The following CEP152 variants were observed in gnomAD, a reference collection of about 807,000 sequenced individuals.
CEP152 encodes the protein centrosomal protein of 152 kDa.
CEP152 carries 132 observed loss-of-function variants against 188.9 expected under a neutral mutation model. The ratio of observed to expected loss-of-function variants is 0.70; its 90% confidence interval spans 0.61 to 0.81. The LOEUF (loss-of-function observed/expected upper bound fraction) is 0.81. Among genes scored for constraint, CEP152 ranks in the 30% least tolerant of loss-of-function variants. The pLI is 0.00. For synonymous variants in CEP152, 649 were observed against 666.6 expected (o/e 0.97, Z 0.41); for missense variants, 1,914 against 1,969.8 (o/e 0.97, Z 0.54).
At position 48,797,186 on chromosome 15, in the gene CEP152, C is replaced by T. The variant is rs1897349147; in HGVS notation, c.540+115G>A. 6.6e-6 allele frequency: 8 copies of T among 1,212,164 alleles called. 1 individual carries two copies. Among genetic ancestry groups the T allele is most frequent in the South Asian group, 3.7e-5 (3 of 80,892 alleles). The allele number at this position is 1,212,164 out of a possible 1,614,324, so 75.1% of individuals were successfully genotyped here. A position where few individuals can be genotyped will look rare whatever the true frequency, so the allele number is the denominator to read the frequency against. On this transcript the variant is annotated intron_variant, in intron 5 of 26. Coordinates refer to ENST00000380950, the MANE Select transcript of CEP152 (RefSeq NM_001194998.2). ...CTGAATAAGTGCCCTCTCAGAACTTCGTGTGGTTAAATCATCTTACCATTG... is the reference window on the plus strand; with the variant it reads ...CTGAATAAGTGCCCTCTCAGAACTTTGTGTGGTTAAATCATCTTACCATTG...
intron 1 of CEP152, chr15:48,810,572 C>A (rs1898265858): frequency 6.6e-6 from 1 of 152,470 alleles, no homozygotes; most frequent in East Asian, 1.9e-4. Context: ...CAAAGCCGCA[C>A]GGGGCCCAGG....
chr15:48,739,133 A>C lies in CEP152; in HGVS notation c.4249T>G (p.Cys1417Gly). The C allele has an allele frequency of 6.2e-7, 1 of 1,614,194 alleles. No individual in the cohort carries two copies. Among genetic ancestry groups the C allele is most frequent in the Non-Finnish European group, 8.5e-7 (1 of 1,180,018 alleles). ...CEQAPKRRAA[C>G]NLQRLLENSE... ...TTCTCTAACAGCCTTTGTAAGTTAC[A>C]AGCTGCCCTCCTCTTGGGAGCTTGT... Residue 1417 changes from cysteine (C) to glycine (G), a missense_variant, in exon 27 of 27, where the codon TGT (cysteine) becomes GGT (glycine). Coordinates refer to ENST00000380950, the MANE Select transcript of CEP152 (RefSeq NM_001194998.2).
chr15:48,795,440 T>C lies in CEP152; in HGVS notation c.691+570A>G, dbSNP rs115804745. ...CTTCTATATAGTCAAAAATCTGAGA[T>C]TGAAAACTATGTTTCATTTTCCAAA... On this transcript the variant is annotated intron_variant, in intron 6 of 26. Coordinates refer to ENST00000380950, the MANE Select transcript of CEP152 (RefSeq NM_001194998.2). 4.8e-3 allele frequency among the ~76,000 whole-genome samples: 724 copies of C among 152,278 alleles called. 5 individuals carry two copies. Among genetic ancestry groups the C allele is most frequent in the African/African-American group, 0.017 (687 of 41,570 alleles).
chr15:48,748,843 T>C (rs892172386), intron 21 of CEP152, among the ~76,000 whole-genome samples: 1 of 152,152 alleles, frequency 6.6e-6, no homozygotes, highest in Admixed American at 6.5e-5. Context: ...CACTACTGGA[T>C]ACTACCATCT....
rs1341171169 is a variant in CEP152, at chr15:48,772,210, A to G, written c.1782+277T>C. Among the ~76,000 whole-genome samples the G allele has an allele frequency of 3.3e-5, 5 of 152,310 alleles. No individual in the cohort carries two copies. In the East Asian group the frequency reaches 9.6e-4, roughly 29 times the overall value. On this transcript the variant is annotated intron_variant, in intron 13 of 26. Transcript: ENST00000380950. ...AGGATTGCTTGAGCCCAGGAGTTTG[A>G]GACCAGCCTGGGCAACATTGTGGGA...
chr15:48,786,869 T>A (rs1896672987), intron 9 of CEP152, among the ~76,000 whole-genome samples: 3 of 152,004 alleles, frequency 2.0e-5, no homozygotes. Context: ...AGTAATGCAG[T>A]GGGCACAGGG....
At chr15:48,731,115 T>C (rs1262794270) in intron 2 of CEP152, among the ~76,000 whole-genome samples, 4 of 152,170 alleles carry the variant, frequency 2.6e-5, no homozygotes, top group African/African-American at 7.2e-5. Context: ...AGAAACAGAA[T>C]AGAAGGGGGC....
chr15:48,802,945 T>C (rs1435503202), intron 2 of CEP152, among the ~76,000 whole-genome samples: 1 of 152,228 alleles, frequency 6.6e-6, no homozygotes, highest in Non-Finnish European at 1.5e-5. Context: ...TGGAAAAACA[T>C]GCTGTATTAG....
At chr15:48,793,184 G>T in intron 7 of CEP152, 137 bp downstream of exon 7, 1 of 958,926 alleles carries the variant, frequency 1.0e-6, no homozygotes, top group Non-Finnish European at 1.6e-6. Flanking sequence ...CCTGGGTTTT[G>T]TTTTGCTATG....
In CEP152 at chr15:48,741,583, C is replaced by T. The variant is rs767567757; in HGVS notation, c.4093+18G>A. On this transcript the variant is annotated intron_variant, in intron 26 of 26. Coordinates refer to ENST00000380950, the MANE Select transcript of CEP152 (RefSeq NM_001194998.2). The stretch of plus-strand genomic sequence containing the variant: ...AAGAAAAGATAGAAAAACCATTTGG[C>T]GACTCACTTTGACATACCTGACTGT... The T allele has an allele frequency of 2.7e-5, 43 of 1,613,898 alleles. No homozygotes were observed. The South Asian group carries it at 3.3e-4, about 12-fold the overall frequency.
chr15:48,753,444 T>A (rs370051989), intron 20 of CEP152, among the ~76,000 whole-genome samples: 41 of 152,232 alleles, frequency 2.7e-4, no homozygotes, highest in East Asian at 1.2e-3. Flanking sequence ...ATACTATATA[T>A]GCCTGATTCT....
At chr15:48,750,970 A>G (rs1893833909) in intron 21 of CEP152, among the ~76,000 whole-genome samples, 1 of 152,196 alleles carries the variant, frequency 6.6e-6, no homozygotes, top group African/African-American at 2.4e-5. Flanking sequence ...GCTAGGCTTC[A>G]TAACTTACAG....
intron 12 of CEP152, among the ~76,000 whole-genome samples, chr15:48,779,097 T>C (rs1896099237): frequency 6.6e-6 from 1 of 152,230 alleles, no homozygotes; most frequent in Admixed American, 6.5e-5. Flanking sequence ...ATTTATCCAA[T>C]TCCCAGACCA....
rs1346857429 is a variant in CEP152, at chr15:48,787,182, T to C, written c.1173+1619A>G. On this transcript the variant is annotated intron_variant, in intron 9 of 26. Transcript: ENST00000380950. ...GCCTTCGTTTTTTTTTTTTTTTTTT[T>C]CTGGAAAAAGAGTCTCACTCTGTTA... Among the ~76,000 whole-genome samples, 580 of 134,264 alleles carry C rather than the reference T, an allele frequency of 4.3e-3. 7 individuals are homozygous for C. The highest frequency in any genetic ancestry group is 0.016 in the African/African-American group (552 of 35,162). 88.1% of individuals were successfully genotyped at this position (134,264 alleles called of 152,430 possible).
At chr15:48,772,742 A>T in intron 12 of CEP152, 51 bp from the exon 13 acceptor site, 1 of 1,500,888 alleles carries the variant, frequency 6.7e-7, no homozygotes, top group East Asian at 2.3e-5. Flanking sequence ...TAAATCAGAC[A>T]TGGTTATTCC....
rs1484986484 is a variant in CEP152, at chr15:48,752,385, G to C, written c.3430C>G (p.Gln1144Glu). The C allele has an allele frequency of 1.2e-6, 2 of 1,614,042 alleles. No individual in the cohort carries two copies. The highest frequency in any genetic ancestry group is 1.7e-6 in the Non-Finnish European group (2 of 1,180,028). Reference protein sequence around the residue: ...DPGPAAGHHAQPLALQATEAE... With the variant: ...DPGPAAGHHAEPLALQATEAE... ...TCTGTTGCTTGTAAGGCCAAGGGCTGAGCATGGTGTCCAGCAGCAGGTCCA... is the reference window on the plus strand; with the variant it reads ...TCTGTTGCTTGTAAGGCCAAGGGCTCAGCATGGTGTCCAGCAGCAGGTCCA... Residue 1144 changes from glutamine (Q) to glutamate (E), a missense_variant, in exon 21 of 27, where the codon CAG becomes GAG. Coordinates refer to ENST00000380950, the MANE Select transcript of CEP152 (RefSeq NM_001194998.2).
At position 48,788,323 on chromosome 15, in the gene CEP152, CTTCT is replaced by C. The variant is rs1413704847; in HGVS notation, c.1173+474_1173+477del. Among the ~76,000 whole-genome samples the C allele has an allele frequency of 6.0e-5, 8 of 132,970 alleles. No individual in the cohort carries two copies. The East Asian group carries it at 1.2e-3, about 19-fold the overall frequency. The allele number at this position is 132,970 out of a possible 152,430, so 87.2% of individuals were successfully genotyped here. ...TATTCTCAGATTAAAATATCACTGG[CTTCT>C]TTTTTTTTTTTTTTTTTTTTTGGGG... On this transcript the variant is annotated intron_variant, in intron 9 of 26. Coordinates refer to ENST00000380950, the MANE Select transcript of CEP152 (RefSeq NM_001194998.2).
intron 19 of CEP152, 88 bp downstream of exon 19, chr15:48,760,045 CTA>C (rs1278201382): frequency 6.5e-7 from 1 of 1,544,180 alleles, no homozygotes; most frequent in Admixed American, 1.7e-5. Flanking sequence ...TTCAACAATT[CTA>C]TGAGTAGGTA....
At position 48,752,382 on chromosome 15, in the gene CEP152, G is replaced by T. The variant is rs200055660; in HGVS notation, c.3433C>A (p.Pro1145Thr). ...GCTTCTGTTGCTTGTAAGGCCAAGG[G>T]CTGAGCATGGTGTCCAGCAGCAGGT... is the stretch of plus-strand genomic sequence containing the variant. ...PGPAAGHHAQ[P>T]LALQATEAEA... The change falls in exon 21 of 27, where the codon CCC (proline) becomes ACC (threonine). Residue 1145 changes from proline (P) to threonine (T), a missense_variant. Transcript: ENST00000380950. 180 of 1,614,026 alleles carry T rather than the reference G, an allele frequency of 1.1e-4. 2 individuals are homozygous for T. The East Asian group carries it at 3.5e-3, about 31-fold the overall frequency.
Sources: allele counts gnomAD v4.1 joint callset (sites outside exome capture counted in the v4.1 genomes callset), GRCh38; gene constraint gnomAD v4.1.1; transcripts MANE v1.5; gene names NCBI Gene and HGNC (gene_info 2026-07-23, HGNC 2026-07-21).